The following C12orf42 variants were observed in gnomAD, a reference collection of about 807,000 sequenced individuals.
C12orf42 encodes uncharacterized protein C12orf42.
A neutral mutation model predicts 21.6 loss-of-function variants in C12orf42; 25 were observed. That is an observed-to-expected ratio of 1.16 (90% CI 0.84 to 1.62). C12orf42 has a LOEUF of 1.62. C12orf42 is among the 40% of genes most tolerant of loss of function. The pLI is 0.00. For missense variants in C12orf42, 483 were observed against 459.3 expected (o/e 1.05, Z -0.47); for synonymous variants, 174 against 175.0 (o/e 0.99, Z 0.05).
the C12orf42 span, chr12:103,503,944 C>A: frequency 6.5e-6 from 1 of 154,636 alleles, no homozygotes; most frequent in South Asian, 1.8e-4. Flanking sequence ...GTGTCTAGTC[C>A]TCCTCTAGTC....
the C12orf42 span, among the ~76,000 whole-genome samples, chr12:103,217,853 G>A: frequency 3.3e-5 from 5 of 152,078 alleles, no homozygotes; most frequent in Middle Eastern, 3.2e-3. Context: ...TCCTAGTGTG[G>A]TCCCAGGGGT....
the C12orf42 span, among the ~76,000 whole-genome samples, chr12:103,129,634 T>C: frequency 6.6e-6 from 1 of 152,258 alleles, no homozygotes; most frequent in African/African-American, 2.4e-5. Flanking sequence ...TTCCCCTTTG[T>C]TATGACATCT....
chr12:103,463,562 C>G (rs1345578191), intron 2 of C12orf42, among the ~76,000 whole-genome samples: 1 of 152,146 alleles, frequency 6.6e-6, no homozygotes. Context: ...CCATTGTACC[C>G]TCTAGAATCC....
At chr12:103,219,832 C>A in the C12orf42 span, among the ~76,000 whole-genome samples, 1 of 152,076 alleles carries the variant, frequency 6.6e-6, no homozygotes, top group Admixed American at 6.6e-5. Flanking sequence ...ATTAGTTCAA[C>A]CATTATAGAA....
intron 3 of C12orf42, among the ~76,000 whole-genome samples, chr12:103,377,686 A>C (rs1030375474): frequency 1.3e-5 from 2 of 151,672 alleles, no homozygotes; most frequent in Non-Finnish European, 2.9e-5. Flanking sequence ...AGGAAATAGA[A>C]CTCTGCATCC....
chr12:103,248,182 T>C (rs906747913), intron 10 of C12orf42, among the ~76,000 whole-genome samples: 3 of 152,038 alleles, frequency 2.0e-5, no homozygotes, highest in Admixed American at 6.6e-5. Flanking sequence ...ATAAGAAGGA[T>C]TTATGAGAAG....
At position 103,302,229 on chromosome 12, in the gene C12orf42, T is replaced by C. The variant is rs1372047058; in HGVS notation, c.962A>G (p.His321Arg). The change falls in exon 6 of 6, where the codon CAT becomes CGT. Residue 321 changes from histidine to arginine, a missense_variant. His to Arg is a conservative substitution (Grantham distance 29). Coordinates refer to ENST00000548883, the MANE Select transcript of C12orf42 (RefSeq NM_198521.5). ...CTTTATTAACCTCTTGGAGGGGAAA[T>C]GGGTGGAAGCACCGGCCAGCAGAGG... ...PLPLLAGASTHFPSKRLIKVC... is the reference protein window; with the variant it reads ...PLPLLAGASTRFPSKRLIKVC... The C allele has an allele frequency of 6.2e-7, 1 of 1,611,712 alleles. No individual in the cohort carries two copies. The highest frequency in any genetic ancestry group is 8.5e-7 in the Non-Finnish European group (1 of 1,179,080).
chr12:103,308,958 AC>A (rs1272409298), intron 4 of C12orf42, among the ~76,000 whole-genome samples: 1 of 152,162 alleles, frequency 6.6e-6, no homozygotes, highest in Non-Finnish European at 1.5e-5. Flanking sequence ...ATCACCAACA[AC>A]CACCAAAAGC....
the C12orf42 span, among the ~76,000 whole-genome samples, chr12:103,191,506 A>C: frequency 7.3e-6 from 1 of 136,552 alleles, no homozygotes; most frequent in South Asian, 2.4e-4. Context: ...TCAGGAGCTC[A>C]AGACCAGCTG....
the C12orf42 span, among the ~76,000 whole-genome samples, chr12:103,537,378 C>A: frequency 2.0e-5 from 3 of 151,508 alleles, no homozygotes; most frequent in Non-Finnish European, 4.4e-5. Context: ...CTATCATATT[C>A]CATGGAAGAA....
intron 2 of C12orf42, among the ~76,000 whole-genome samples, chr12:103,465,712 T>C (rs1166857952): frequency 6.6e-6 from 1 of 152,220 alleles, no homozygotes; most frequent in Non-Finnish European, 1.5e-5. Flanking sequence ...CTTTTGCCCA[T>C]TCAGTATGAT....
chr12:103,048,840 C>T, the C12orf42 span, among the ~76,000 whole-genome samples: 1 of 152,164 alleles, frequency 6.6e-6, no homozygotes, highest in Non-Finnish European at 1.5e-5. Context: ...TCAGTTCTCA[C>T]AAGAAGCCCA....
At chr12:103,115,503 C>T in the C12orf42 span, among the ~76,000 whole-genome samples, 4 of 152,188 alleles carry the variant, frequency 2.6e-5, no homozygotes, top group Admixed American at 6.5e-5. Context: ...CTATTTAGGG[C>T]ATATGGAGAA....
intron 4 of C12orf42, among the ~76,000 whole-genome samples, chr12:103,295,443 G>C (rs1436620372): frequency 1.3e-5 from 2 of 151,514 alleles, no homozygotes; most frequent in African/African-American, 2.4e-5. Flanking sequence ...AACTTGCTTT[G>C]AATAAGACAT....
chr12:103,275,499 G>A (rs1318365570), intron 5 of C12orf42, among the ~76,000 whole-genome samples: 2 of 151,884 alleles, frequency 1.3e-5, no homozygotes, highest in East Asian at 3.9e-4. Context: ...GTTTTATGCC[G>A]AACTTCAAAG....
At chr12:103,532,084 C>T in the C12orf42 span, among the ~76,000 whole-genome samples, 1 of 152,164 alleles carries the variant, frequency 6.6e-6, no homozygotes, top group African/African-American at 2.4e-5. Context: ...ACTCACCTAA[C>T]TTTTATGCAA....
At chr12:103,418,077 T>C (rs2049524136) in intron 2 of C12orf42, among the ~76,000 whole-genome samples, 2 of 152,238 alleles carry the variant, frequency 1.3e-5, no homozygotes, top group African/African-American at 4.8e-5. Context: ...TTCTTATTTC[T>C]ACCACTAACA....
the C12orf42 span, among the ~76,000 whole-genome samples, chr12:103,068,302 C>A: frequency 6.6e-6 from 1 of 152,122 alleles, no homozygotes; most frequent in African/African-American, 2.4e-5. Flanking sequence ...TTGACTTCAG[C>A]ATTTAAGTAT....
chr12:103,299,180 T>A (rs1193361120), downstream of C12orf42, among the ~76,000 whole-genome samples: 1 of 151,998 alleles, frequency 6.6e-6, no homozygotes, highest in African/African-American at 2.4e-5. Flanking sequence ...ATACAGTTTT[T>A]AAAAAAATAT....
Sources: allele counts gnomAD v4.1 joint callset (sites outside exome capture counted in the v4.1 genomes callset), GRCh38; gene constraint gnomAD v4.1.1; transcripts MANE v1.5; gene names NCBI Gene and HGNC (gene_info 2026-07-23, HGNC 2026-07-21).